FAM149A: variants seen among roughly 807,000 people sequenced by gnomAD.
FAM149A encodes family with sequence similarity 149 member A.
FAM149A carries 71 observed loss-of-function variants against 78.2 expected under a neutral mutation model. The ratio of observed to expected loss-of-function variants is 0.91; its 90% CI spans 0.75 to 1.11. The LOEUF is 1.11. Ranked by LOEUF, FAM149A falls within the 50% of genes least tolerant of loss-of-function variation. The pLI, the probability that FAM149A is intolerant of heterozygous loss-of-function variation, is 0.00. For missense variants in FAM149A, 1,036 were observed against 971.0 expected (o/e 1.07, Z -0.89); for synonymous variants, 446 against 410.5 (o/e 1.09, Z -1.04).
chr4:186,130,291 C>CTATATATA (rs1362112901), intron 1 of FAM149A: 915 of 39,120 alleles, frequency 0.023, 5 homozygotes, highest in Admixed American at 0.03. Context: ...CTCTCTCTCT[C>CTATATATA]TCTATATATA....
chr4:186,157,274 G>A lies in FAM149A; in HGVS notation c.1421-291G>A, dbSNP rs1349580830. On this transcript the variant is annotated intron_variant, in intron 7 of 13. Transcript: ENST00000389354. ...ATTTGTACAATAAGGCAATAATCAC[G>A]TTAACCTAAATCCTGTTCTTTTTCC... 3.3e-5 allele frequency among the ~76,000 whole-genome samples: 5 copies of A among 152,158 alleles called. No homozygotes were observed. In the South Asian group the frequency reaches 8.3e-4, roughly 25 times the overall value.
intron 8 of FAM149A, among the ~76,000 whole-genome samples, chr4:186,161,307 G>A (rs1488259313): frequency 2.6e-5 from 4 of 152,134 alleles, no homozygotes; most frequent in Admixed American, 1.3e-4. Context: ...TGCACCTGGC[G>A]TGGGAGCTTC....
intron 1 of FAM149A, among the ~76,000 whole-genome samples, chr4:186,114,086 G>C (rs1360800270): frequency 9.2e-6 from 1 of 109,174 alleles, no homozygotes; most frequent in Admixed American, 1.0e-4. Context: ...TCCTGTATTG[G>C]GTGCATATAT....
chr4:186,157,559 A>G lies in FAM149A; in HGVS notation c.1421-6A>G. ...TCTTGTAATATTGATTCTTCTGTTG[A>G]CACAGAAGGGAAAAAACAGAGAGAA... On this transcript the variant is annotated splice_polypyrimidine_tract_variant and splice_region_variant and intron_variant, in intron 7 of 13. Transcript: ENST00000389354. The G allele has an allele frequency of 6.2e-7, 1 of 1,610,776 alleles. No individual in the cohort carries two copies. Among genetic ancestry groups the G allele is most frequent in the Middle Eastern group, 1.7e-4 (1 of 6,056 alleles).
chr4:186,125,634 G>A (rs2099317987), intron 1 of FAM149A: 1 of 884,384 alleles, frequency 1.1e-6, no homozygotes, highest in Non-Finnish European at 1.4e-6. Flanking sequence ...TCAGGTTTAA[G>A]TGAGATCATT....
At chr4:186,158,387 C>T in intron 8 of FAM149A, 1 of 1,201,960 alleles carries the variant, frequency 8.3e-7, no homozygotes, top group Non-Finnish European at 1.1e-6. Flanking sequence ...GGAGCTCACT[C>T]AGTGGGCCTG....
Position 186,163,556 on chromosome 4 carries a change from G to T in FAM149A, c.1812G>T (p.Leu604=). The T allele has an allele frequency of 6.2e-7, 1 of 1,614,170 alleles. No individual in the cohort carries two copies. Among genetic ancestry groups the T allele is most frequent in the Non-Finnish European group, 8.5e-7 (1 of 1,180,012 alleles). ...AGAAAACACCAGTGCCCTGGAGGCT[G>T]CCTTCTCTTGCTTCAGATTCACAGA... Residue 604 remains leucine, a synonymous_variant, in exon 10 of 14, where the codon CTG becomes CTT. Coordinates refer to ENST00000389354, the MANE Select transcript of FAM149A (RefSeq NM_001367768.3).
chr4:186,146,783 G>A (rs1733080655), intron 1 of FAM149A: 1 of 984,676 alleles, frequency 1.0e-6, no homozygotes, highest in South Asian at 4.7e-5. Context: ...TTGAATCTGG[G>A]GAATATTTTC....
At chr4:186,126,907 G>A in intron 1 of FAM149A, 3 of 985,336 alleles carry the variant, frequency 3.0e-6, no homozygotes, top group Non-Finnish European at 3.6e-6. Flanking sequence ...TTATAAATGG[G>A]CGGTGTATCA....
At chr4:186,153,083 C>T (rs1354044659) in intron 4 of FAM149A, among the ~76,000 whole-genome samples, 1 of 151,786 alleles carries the variant, frequency 6.6e-6, no homozygotes, top group Non-Finnish European at 1.5e-5. Context: ...ATGATATGTC[C>T]ACTAGATACT....
chr4:186,110,460 T>C (rs926959631), intron 1 of FAM149A: 1 of 351,344 alleles, frequency 2.8e-6, no homozygotes, highest in African/African-American at 2.3e-5. Context: ...TAGTTACATA[T>C]GTATACATGT....
chr4:186,149,517 C>T lies in FAM149A; in HGVS notation c.678-76C>T, dbSNP rs1733306203. The T allele has an allele frequency of 3.9e-6, 5 of 1,289,024 alleles. No homozygotes were observed. The Middle Eastern group carries it at 1.1e-3, about 274-fold the overall frequency. The allele number at this position is 1,289,024 out of a possible 1,614,324, so 79.8% of individuals were successfully genotyped here. A position where few individuals can be genotyped will look rare whatever the true frequency, so the allele number is the denominator to read the frequency against. ...AGAAAAGTGAAGCCACTTAGCCATC[C>T]AAGCCCTTCCAGCAAATGTGATTTC... is the stretch of plus-strand genomic sequence containing the variant. On this transcript the variant is annotated intron_variant, in intron 2 of 13. Coordinates refer to ENST00000389354, the MANE Select transcript of FAM149A (RefSeq NM_001367768.3).
intron 11 of FAM149A, 78 bp downstream of exon 11, chr4:186,165,542 T>C: frequency 6.8e-7 from 1 of 1,479,736 alleles, no homozygotes; most frequent in East Asian, 2.3e-5. Context: ...CCTTGGCACT[T>C]CCAAGTGAAA....
At chr4:186,127,367 C>CAATCT (rs2099318778) in intron 1 of FAM149A, 2 of 985,306 alleles carry the variant, frequency 2.0e-6, no homozygotes, top group South Asian at 9.4e-5. Flanking sequence ...ACCTGGATTC[C>CAATCT]ACAGGTAGAT....
rs372317900 is a variant in FAM149A at position 186,151,936 on chromosome 4, C to T, written c.823C>T (p.Arg275Trp). 44 of 1,613,956 alleles carry T rather than the reference C, an allele frequency of 2.7e-5. No homozygotes were observed. Among genetic ancestry groups the T allele is most frequent in the African/African-American group, 9.3e-5 (7 of 74,898 alleles). ...CGAAGCCAGTTCACAGTCAGTGCAG[C>T]GGTTACTCTGGGAGGTGGAGGAAAT... Residue 275 changes from arginine (R) to tryptophan (W), a missense_variant, in exon 4 of 14, where the codon CGG becomes TGG. Around this residue, in one of 3 missense-constraint regions of FAM149A, gnomAD observed 716 missense variants for 711.8 expected, o/e 1.01. Coordinates refer to ENST00000389354, the MANE Select transcript of FAM149A (RefSeq NM_001367768.3).
intron 7 of FAM149A, among the ~76,000 whole-genome samples, chr4:186,156,861 G>C (rs1354935399): frequency 2.0e-5 from 3 of 152,154 alleles, no homozygotes; most frequent in African/African-American, 7.2e-5. Flanking sequence ...TGTAGGCCCA[G>C]CTACTCAGGA....
rs996446771 is a variant in FAM149A at position 186,104,895 on chromosome 4, G to A, written c.-182G>A. On this transcript the variant is annotated 5_prime_UTR_variant, in exon 1 of 14. Coordinates refer to ENST00000389354, the MANE Select transcript of FAM149A (RefSeq NM_001367768.3). ...GGCGCTCGGCGGACGGACCCGGGCCGGGGAAGGGCGACCCCAGCGGCGCGG... is the reference window on the plus strand; with the variant it reads ...GGCGCTCGGCGGACGGACCCGGGCCAGGGAAGGGCGACCCCAGCGGCGCGG... The A allele has an allele frequency of 7.3e-5, 67 of 918,588 alleles. No individual in the cohort carries two copies. The highest frequency in any genetic ancestry group is 8.5e-5 in the Non-Finnish European group (65 of 769,118). 56.9% of individuals were successfully genotyped at this position (918,588 alleles called of 1,614,324 possible).
intron 1 of FAM149A, among the ~76,000 whole-genome samples, chr4:186,141,335 A>G (rs2099325684): frequency 6.6e-6 from 1 of 152,170 alleles, no homozygotes; most frequent in African/African-American, 2.4e-5. Flanking sequence ...TCTAATTACC[A>G]ATTTTTATAC....
chr4:186,162,833 T>TTTA lies in FAM149A; in HGVS notation c.1576-12_1576-11insTTA, dbSNP rs749033602. The TTTA allele has an allele frequency of 3.6e-6, 3 of 824,654 alleles. No individual in the cohort carries two copies. The highest frequency in any genetic ancestry group is 2.5e-5 in the East Asian group (1 of 39,676). 51.1% of individuals were successfully genotyped at this position (824,654 alleles called of 1,614,324 possible). The stretch of plus-strand genomic sequence containing the variant: ...TTCTTTTTTTTTTTTTTTTTTTTTT[T>TTTA]ACTGTTCTCAGATTCATCACTTCTC... On this transcript the variant is annotated splice_polypyrimidine_tract_variant and intron_variant, in intron 8 of 13. Coordinates refer to ENST00000389354, the MANE Select transcript of FAM149A (RefSeq NM_001367768.3).
Sources: allele counts gnomAD v4.1 joint callset (sites outside exome capture counted in the v4.1 genomes callset), GRCh38; gene constraint gnomAD v4.1.1; regional missense constraint gnomAD v4.1.1; transcripts MANE v1.5; gene names NCBI Gene and HGNC (gene_info 2026-07-23, HGNC 2026-07-21).